The following PRCP variants were observed in gnomAD, a reference collection of about 807,000 sequenced individuals.
PRCP encodes lysosomal Pro-X carboxypeptidase.
PRCP carries 46 observed loss-of-function variants against 54.2 expected under a neutral mutation model. The observed-to-expected ratio is 0.85, with a 90% confidence interval of 0.67 to 1.09. The LOEUF (loss-of-function observed/expected upper bound fraction) is 1.09. Among genes scored for constraint, PRCP ranks in the 50% least tolerant of loss-of-function variants. PRCP has a pLI of 0.00. For synonymous variants in PRCP, 240 were observed against 212.2 expected, an observed-to-expected ratio of 1.13 and a Z score of -1.14; for missense variants, 613 against 596.8, an observed-to-expected ratio of 1.03 and a Z score of -0.28.
chr11:82,847,362 C>G (rs759138401), intron 6 of PRCP, among the ~76,000 whole-genome samples: 3 of 152,180 alleles, frequency 2.0e-5, no homozygotes, highest in Non-Finnish European at 4.4e-5. Flanking sequence ...AGTGAAGACC[C>G]AAGTTCAAAT....
chr11:82,857,651 T>C (rs1225180471), intron 2 of PRCP, among the ~76,000 whole-genome samples: 1 of 152,240 alleles, frequency 6.6e-6, no homozygotes, highest in Non-Finnish European at 1.5e-5. Flanking sequence ...ACATTGTTGC[T>C]TTTTAGTGAG....
chr11:82,889,312 T>C (rs2121265965), intron 1 of PRCP, among the ~76,000 whole-genome samples: 1 of 151,516 alleles, frequency 6.6e-6, no homozygotes, highest in East Asian at 1.9e-4. Flanking sequence ...TGCAGTGGGC[T>C]ATGATCACAA....
chr11:82,874,936 T>C (rs778979943), intron 1 of PRCP, among the ~76,000 whole-genome samples: 10 of 151,998 alleles, frequency 6.6e-5, no homozygotes, highest in Non-Finnish European at 1.3e-4. Context: ...TTTAGCTATA[T>C]TATAATCTTT....
Position 82,878,775 on chromosome 11 carries a change from G to A in PRCP, c.169-18658C>T, listed in dbSNP as rs193259511. ...CTCTCAGCATTTGCTTGTCTATAAA[G>A]GATTTTATTTCTCCTTCACTTATGA... On this transcript the variant is annotated intron_variant, in intron 1 of 8. Transcript: ENST00000313010. Among the ~76,000 whole-genome samples, 133 of 152,238 alleles carry A rather than the reference G, an allele frequency of 8.7e-4. 3 individuals are homozygous for A. The East Asian group carries it at 0.025, about 29-fold the overall frequency.
chr11:82,893,797 TAAAC>T (rs1343415806), intron 1 of PRCP, among the ~76,000 whole-genome samples: 1 of 152,026 alleles, frequency 6.6e-6, no homozygotes, highest in Non-Finnish European at 1.5e-5. Flanking sequence ...TGTCTAAAAA[TAAAC>T]AAACAAAAAG....
intron 3 of PRCP, among the ~76,000 whole-genome samples, chr11:82,852,857 G>A (rs927438210): frequency 8.6e-5 from 13 of 152,022 alleles, no homozygotes; most frequent in African/African-American, 3.1e-4. Flanking sequence ...TTAAGTGTAC[G>A]ATTTATAAAG....
intron 6 of PRCP, among the ~76,000 whole-genome samples, chr11:82,847,244 T>A (rs141435534): frequency 2.6e-5 from 4 of 152,350 alleles, no homozygotes; most frequent in African/African-American, 7.2e-5. Context: ...CAGATAGATA[T>A]AGAGTTAAAT....
intron 1 of PRCP, among the ~76,000 whole-genome samples, chr11:82,891,200 C>T (rs1031532258): frequency 1.3e-5 from 2 of 152,170 alleles, no homozygotes; most frequent in African/African-American, 4.8e-5. Flanking sequence ...TCTAACTGCT[C>T]AGGCCAAAAA....
At chr11:82,879,332 C>T (rs12363074) in intron 1 of PRCP, among the ~76,000 whole-genome samples, 1 of 152,128 alleles carries the variant, frequency 6.6e-6, no homozygotes, top group African/African-American at 2.4e-5. Flanking sequence ...GCTGCTGAAG[C>T]TTGTGCATGC....
chr11:82,897,213 C>T (rs1860137820), intron 1 of PRCP, among the ~76,000 whole-genome samples: 1 of 151,818 alleles, frequency 6.6e-6, no homozygotes, highest in South Asian at 2.1e-4. Flanking sequence ...ATCAAATAGT[C>T]CTACCTAACT....
At chr11:82,860,478 G>T (rs117952099) in intron 1 of PRCP, among the ~76,000 whole-genome samples, 1,645 of 151,812 alleles carry the variant, frequency 0.011, 65 homozygotes, top group Admixed American at 0.074. Flanking sequence ...AAAATTTTAC[G>T]TATGGTGTAT....
At chr11:82,876,156 A>G (rs1859598272) in intron 1 of PRCP, among the ~76,000 whole-genome samples, 1 of 152,186 alleles carries the variant, frequency 6.6e-6, no homozygotes, top group Non-Finnish European at 1.5e-5. Context: ...ACTGTTTTGA[A>G]GGTTGGCTCA....
chr11:82,842,329 G>C (rs2121110134), intron 6 of PRCP, among the ~76,000 whole-genome samples: 1 of 152,252 alleles, frequency 6.6e-6, no homozygotes, highest in African/African-American at 2.4e-5. Flanking sequence ...AGAACATCAT[G>C]GTCAGAGACT....
rs146776945 is a variant in PRCP at position 82,893,814 on chromosome 11, T to C, written c.168+6421A>G. Among the ~76,000 whole-genome samples, 203 of 152,234 alleles carry C rather than the reference T, an allele frequency of 1.3e-3. 3 individuals are homozygous for C. Among genetic ancestry groups the C allele is most frequent in the African/African-American group, 4.6e-3 (190 of 41,546 alleles). ...TCTAAAAATAAACAAACAAAAAGGA[T>C]AGTTCTCTTGCCTACAAAATGGAAT... On this transcript the variant is annotated intron_variant, in intron 1 of 8. Coordinates refer to ENST00000313010, the MANE Select transcript of PRCP (RefSeq NM_005040.4).
At chr11:82,841,055 T>TATATATATATATATATAA (rs1555013578) in intron 6 of PRCP, among the ~76,000 whole-genome samples, 1 of 149,580 alleles carries the variant, frequency 6.7e-6, no homozygotes, top group African/African-American at 2.5e-5. Context: ...ATATATATAA[T>TATATATATATATATATAA]AGACTAGTCC....
At chr11:82,865,787 C>T (rs1305486034) in intron 1 of PRCP, among the ~76,000 whole-genome samples, 2 of 152,176 alleles carry the variant, frequency 1.3e-5, no homozygotes, top group Non-Finnish European at 2.9e-5. Flanking sequence ...TGTGGGGTTA[C>T]ATTCCATTAG....
chr11:82,856,291 G>A (rs1272056134), intron 2 of PRCP, among the ~76,000 whole-genome samples: 1 of 152,158 alleles, frequency 6.6e-6, no homozygotes, highest in Non-Finnish European at 1.5e-5. Context: ...GAGTGGACTG[G>A]ATAAAGACAA....
chr11:82,839,727 C>T (rs897122561), intron 6 of PRCP: 3 of 335,436 alleles, frequency 8.9e-6, no homozygotes, highest in African/African-American at 4.5e-5. Context: ...CATTCCCCAC[C>T]ACACCAGGCT....
chr11:82,841,323 A>G (rs910802924), intron 6 of PRCP, among the ~76,000 whole-genome samples: 1 of 151,948 alleles, frequency 6.6e-6, no homozygotes, highest in Non-Finnish European at 1.5e-5. Flanking sequence ...GGAAAATTCA[A>G]TGCCTCTCCC....
Sources: gnomAD v4.1 joint callset for allele counts (sites outside exome capture counted in the v4.1 genomes callset) on GRCh38, gnomAD v4.1.1 for gene constraint, MANE v1.5 for transcripts, NCBI Gene and HGNC (gene_info 2026-07-23, HGNC 2026-07-21) for gene names.